Variants in EGLN1 observed in about 807,000 individuals in gnomAD.
EGLN1 encodes egl nine homolog 1.
A neutral mutation model predicts 38.3 loss-of-function variants in EGLN1; 17 were observed. That is an observed-to-expected ratio of 0.44 (90% CI 0.30 to 0.67). EGLN1 has a LOEUF of 0.67. Among genes scored for constraint, EGLN1 ranks in the 30% least tolerant of loss-of-function variants. The probability of loss-of-function intolerance (pLI) is 0.08; values close to 1 mark genes in which losing one functional copy is unlikely to be tolerated. For synonymous variants in EGLN1, 283 were observed against 257.5 expected (o/e 1.10, Z -0.95); for missense variants, 477 against 603.3 (o/e 0.79, Z 2.19).
chr1:231,391,088 TTTTTTG>T lies in EGLN1; in HGVS notation c.892-16995_892-16990del, dbSNP rs1294880235. On this transcript the variant is annotated intron_variant, in intron 1 of 4. Transcript: ENST00000366641. ...TGAGACAGGGAACTCATTCTGTTTT[TTTTTTG>T]TGTGTGTGTGTGTGTGTGTGTGTGT... Among the ~76,000 whole-genome samples, 80 of 34,736 alleles carry T rather than the reference TTTTTTG, an allele frequency of 2.3e-3. 2 individuals carry two copies. Among genetic ancestry groups the T allele is most frequent in the African/African-American group, 5.4e-3 (76 of 14,038 alleles). The allele number at this position is 34,736 out of a possible 152,430, so 22.8% of individuals were successfully genotyped here.
chr1:231,392,288 AAAAATAAAAT>A (rs770431407), intron 1 of EGLN1, among the ~76,000 whole-genome samples: 38 of 152,192 alleles, frequency 2.5e-4, no homozygotes, highest in Non-Finnish European at 5.0e-4. Context: ...CTCTGTCTCA[AAAAATAAAAT>A]AAAATAAAAT....
chr1:231,398,683 A>C (rs563621886), intron 1 of EGLN1, among the ~76,000 whole-genome samples: 67 of 152,378 alleles, frequency 4.4e-4, no homozygotes, highest in South Asian at 1.0e-3. Context: ...GAGAAAGATG[A>C]ATGTAAAGAA....
At chr1:231,387,501 A>G (rs1303397244) in intron 1 of EGLN1, among the ~76,000 whole-genome samples, 1 of 151,688 alleles carries the variant, frequency 6.6e-6, no homozygotes. Flanking sequence ...CTGGGACTAC[A>G]GGTGCCTGCC....
chr1:231,420,643 T>C (rs1656549535), intron 1 of EGLN1, among the ~76,000 whole-genome samples: 1 of 152,164 alleles, frequency 6.6e-6, no homozygotes, highest in South Asian at 2.1e-4. Context: ...GGTGGTACTC[T>C]AACACCCCTT....
At chr1:231,395,790 T>C (rs1485337792) in intron 1 of EGLN1, among the ~76,000 whole-genome samples, 5 of 152,152 alleles carry the variant, frequency 3.3e-5, no homozygotes, top group Admixed American at 1.3e-4. Context: ...TGGGAGGTTG[T>C]TGGAAATGTA....
At chr1:231,368,453 GT>G (rs1687720981) in intron 3 of EGLN1, among the ~76,000 whole-genome samples, 1 of 151,886 alleles carries the variant, frequency 6.6e-6, no homozygotes, top group African/African-American at 2.4e-5. Flanking sequence ...TGTGTTTTGT[GT>G]TTAAACTTTG....
chr1:231,373,677 CGTGTGTGT>C (rs60871560), intron 2 of EGLN1, among the ~76,000 whole-genome samples: 1 of 91,242 alleles, frequency 1.1e-5, no homozygotes, highest in Admixed American at 1.0e-4. Context: ...CTCGTGTGTG[CGTGTGTGT>C]GTGTGTGTGT....
chr1:231,412,351 T>C (rs1156830351), intron 1 of EGLN1, among the ~76,000 whole-genome samples: 1 of 152,248 alleles, frequency 6.6e-6, no homozygotes. Flanking sequence ...AGTTTTATTT[T>C]CAACAGTAGG....
At chr1:231,371,740 G>T (rs1687828560) in intron 2 of EGLN1, among the ~76,000 whole-genome samples, 2 of 152,068 alleles carry the variant, frequency 1.3e-5, no homozygotes, top group Admixed American at 6.5e-5. Context: ...TACGATCTGG[G>T]GATAGGCAAA....
At chr1:231,387,560 C>T (rs927821752) in intron 1 of EGLN1, among the ~76,000 whole-genome samples, 5 of 151,790 alleles carry the variant, frequency 3.3e-5, no homozygotes, top group African/African-American at 7.3e-5. Flanking sequence ...GGGGTTTCGC[C>T]GTGTTAGCCA....
At chr1:231,378,671 C>G (rs192254318) in intron 1 of EGLN1, among the ~76,000 whole-genome samples, 1 of 152,238 alleles carries the variant, frequency 6.6e-6, no homozygotes, top group East Asian at 1.9e-4. Flanking sequence ...GGAAGAGGTC[C>G]GCAATGCCTC....
chr1:231,394,072 G>A (rs1476691918), intron 1 of EGLN1, among the ~76,000 whole-genome samples: 2 of 151,992 alleles, frequency 1.3e-5, no homozygotes, highest in Non-Finnish European at 2.9e-5. Flanking sequence ...TCCTCCTTGT[G>A]GCTTCATTTC....
chr1:231,384,027 C>T (rs1477011956), intron 1 of EGLN1, among the ~76,000 whole-genome samples: 2 of 151,904 alleles, frequency 1.3e-5, no homozygotes, highest in Non-Finnish European at 2.9e-5. Flanking sequence ...GGCCCAGATG[C>T]CACGAAATAA....
chr1:231,390,892 G>T (rs993996881), intron 1 of EGLN1, among the ~76,000 whole-genome samples: 3 of 151,642 alleles, frequency 2.0e-5, no homozygotes, highest in Non-Finnish European at 4.4e-5. Flanking sequence ...CTGTCCCCCA[G>T]GCTGGAGATC....
At chr1:231,379,218 G>A (rs945378839) in intron 1 of EGLN1, among the ~76,000 whole-genome samples, 5 of 152,184 alleles carry the variant, frequency 3.3e-5, no homozygotes, top group Non-Finnish European at 7.4e-5. Context: ...AGATGAAATT[G>A]GTAATCCAGA....
At chr1:231,418,865 A>AAG (rs1395772254) in intron 1 of EGLN1, among the ~76,000 whole-genome samples, 18 of 144,518 alleles carry the variant, frequency 1.2e-4, no homozygotes, top group African/African-American at 1.6e-4. Context: ...CTGTCTCCAA[A>AAG]AAAAAAAAAA....
intron 1 of EGLN1, 132 bp from the exon 2 acceptor site, chr1:231,374,231 G>C (rs1687899312): frequency 1.2e-6 from 1 of 810,358 alleles, no homozygotes; most frequent in Non-Finnish European, 2.0e-6. Context: ...ATATTTTGTA[G>C]ATAAGATAAG....
At chr1:231,410,825 T>A (rs1037834486) in intron 1 of EGLN1, among the ~76,000 whole-genome samples, 3 of 128,178 alleles carry the variant, frequency 2.3e-5, no homozygotes, top group Non-Finnish European at 4.7e-5. Context: ...AATAGAGCTA[T>A]TGCAGCAGTA....
At chr1:231,387,206 T>C (rs1167136562) in intron 1 of EGLN1, among the ~76,000 whole-genome samples, 3 of 148,502 alleles carry the variant, frequency 2.0e-5, no homozygotes, top group Non-Finnish European at 4.5e-5. Context: ...GCATGAGATG[T>C]CAAAATAACA....
Sources: allele counts gnomAD v4.1 joint callset (sites outside exome capture counted in the v4.1 genomes callset), GRCh38; gene constraint gnomAD v4.1.1; transcripts MANE v1.5; gene names NCBI Gene and HGNC (gene_info 2026-07-23, HGNC 2026-07-21).